Variants in HERC3 observed in about 807,000 individuals in gnomAD.
HERC3 encodes the protein probable E3 ubiquitin-protein ligase HERC3.
HERC3 carries 58 observed loss-of-function variants against 129.9 expected under a neutral mutation model. The ratio of observed to expected loss-of-function variants is 0.45; its 90% CI spans 0.36 to 0.56. The LOEUF (loss-of-function observed/expected upper bound fraction) is 0.56. Among genes scored for constraint, HERC3 ranks in the 20% least tolerant of loss-of-function variants. HERC3 has a pLI of 0.00. For missense variants in HERC3, 835 were observed against 1,244.2 expected (o/e 0.67, Z 4.95); for synonymous variants, 430 against 451.0 (o/e 0.95, Z 0.59).
intron 23 of HERC3, among the ~76,000 whole-genome samples, chr4:88,699,033 T>A (rs1238234025): frequency 1.3e-5 from 1 of 75,590 alleles, no homozygotes; most frequent in Non-Finnish European, 2.4e-5. Flanking sequence ...CTCTTCACCC[T>A]CTTCTTCCTC....
chr4:88,696,505 T>C (rs1264357291), intron 23 of HERC3: 1 of 150,156 alleles, frequency 6.7e-6, no homozygotes, highest in Non-Finnish European at 1.5e-5. Flanking sequence ...CATGAGATTG[T>C]AACTAATGAA....
At chr4:88,651,279 G>A (rs1328901357) in intron 4 of HERC3, among the ~76,000 whole-genome samples, 2 of 152,028 alleles carry the variant, frequency 1.3e-5, no homozygotes, top group African/African-American at 2.4e-5. Flanking sequence ...TTCAAATTAT[G>A]GATGACTTCC....
At chr4:88,657,736 A>G (rs1301598994) in intron 9 of HERC3, among the ~76,000 whole-genome samples, 1 of 152,202 alleles carries the variant, frequency 6.6e-6, no homozygotes, top group African/African-American at 2.4e-5. Context: ...TATTGTGGTT[A>G]GAGGAAGTTT....
the HERC3 span, among the ~76,000 whole-genome samples, chr4:88,580,146 G>A: frequency 1.3e-5 from 2 of 152,282 alleles, no homozygotes; most frequent in East Asian, 1.9e-4. Context: ...AATAAAAAAC[G>A]ACAGTGTTTG....
chr4:88,614,765 A>C (rs921964403), intron 3 of HERC3, among the ~76,000 whole-genome samples: 5 of 152,178 alleles, frequency 3.3e-5, no homozygotes, highest in African/African-American at 1.2e-4. Context: ...ACATTTACTG[A>C]GTGACTAAAC....
the HERC3 span, among the ~76,000 whole-genome samples, chr4:88,557,480 G>A: frequency 2.0e-5 from 3 of 152,080 alleles, 1 homozygote; most frequent in South Asian, 6.2e-4. Flanking sequence ...ATTTTTGGTG[G>A]ATATTTGTTC....
intron 19 of HERC3, among the ~76,000 whole-genome samples, chr4:88,678,969 C>T (rs1377576891): frequency 6.6e-6 from 1 of 152,170 alleles, no homozygotes; most frequent in Non-Finnish European, 1.5e-5. Context: ...TACTTTGTAG[C>T]AGTATTCTTC....
At chr4:88,673,489 G>T (rs1295953850) in intron 16 of HERC3, among the ~76,000 whole-genome samples, 1 of 152,108 alleles carries the variant, frequency 6.6e-6, no homozygotes, top group African/African-American at 2.4e-5. Context: ...GTGCAGCCCC[G>T]TTTCAGGCAG....
In HERC3 at chr4:88,649,880, G is replaced by A; in HGVS notation, c.267G>A (p.Val89=). The A allele has an allele frequency of 6.2e-7, 1 of 1,613,952 alleles. No homozygotes were observed. Among genetic ancestry groups the A allele is most frequent in the Non-Finnish European group, 8.5e-7 (1 of 1,179,984 alleles). Residue 89 remains valine, a synonymous_variant, in exon 4 of 26, where the codon GTG becomes GTA. Transcript: ENST00000402738. Reference sequence around the variant, plus strand: ...TGGCAGATCAGCATATCATTCATGTGGCATGTGGCGAGTCCCACAGTCTGG... The same window carrying A: ...TGGCAGATCAGCATATCATTCATGTAGCATGTGGCGAGTCCCACAGTCTGG... ...GALADQHIIH[V]ACGESHSLAL...
intron 3 of HERC3, among the ~76,000 whole-genome samples, chr4:88,632,662 G>C (rs1726905490): frequency 6.6e-6 from 1 of 152,240 alleles, no homozygotes; most frequent in Non-Finnish European, 1.5e-5. Context: ...AGAGGTGACA[G>C]AGGAAAGAAT....
the HERC3 span, among the ~76,000 whole-genome samples, chr4:88,545,336 C>T: frequency 2.6e-5 from 4 of 151,202 alleles, no homozygotes; most frequent in African/African-American, 9.8e-5. Context: ...TTTACAAGGA[C>T]TTAAAGGGAG....
intron 3 of HERC3, among the ~76,000 whole-genome samples, chr4:88,630,589 A>G (rs778875493): frequency 7.0e-4 from 107 of 152,252 alleles, no homozygotes; most frequent in Admixed American, 5.4e-3. Flanking sequence ...TCTGTGAAGG[A>G]TAAAGCATTC....
chr4:88,598,240 A>T (rs1722605345), intron 2 of HERC3, among the ~76,000 whole-genome samples: 1 of 152,164 alleles, frequency 6.6e-6, no homozygotes, highest in Non-Finnish European at 1.5e-5. Context: ...GCATAGTCTT[A>T]TCATAAGACA....
At chr4:88,549,235 G>T in the HERC3 span, among the ~76,000 whole-genome samples, 1 of 151,898 alleles carries the variant, frequency 6.6e-6, no homozygotes, top group South Asian at 2.1e-4. Flanking sequence ...CATTTTTGGG[G>T]GGGTGAGTGT....
chr4:88,527,670 T>C, the HERC3 span: 1 of 301,660 alleles, frequency 3.3e-6, no homozygotes, highest in Non-Finnish European at 6.4e-6. Flanking sequence ...TGCCGGGCAA[T>C]GTGCTTGTCA....
chr4:88,704,315 C>T, intron 24 of HERC3, 34 bp downstream of exon 24: 1 of 1,602,752 alleles, frequency 6.2e-7, no homozygotes. Context: ...TCCTTTAACT[C>T]CGGCGAAGCA....
the HERC3 span, among the ~76,000 whole-genome samples, chr4:88,568,124 C>T: frequency 6.6e-6 from 1 of 152,198 alleles, no homozygotes; most frequent in South Asian, 2.1e-4. Flanking sequence ...CCCTTACTTT[C>T]CCCAGACAAA....
At chr4:88,692,782 C>A in intron 23 of HERC3, 1 of 427,972 alleles carries the variant, frequency 2.3e-6, no homozygotes, top group Non-Finnish European at 3.1e-6. Flanking sequence ...GGATTCTAAA[C>A]CAGAGCCAGG....
the HERC3 span, among the ~76,000 whole-genome samples, chr4:88,546,845 A>C: frequency 6.6e-6 from 1 of 152,216 alleles, no homozygotes; most frequent in South Asian, 2.1e-4. Flanking sequence ...ATAGAGTTTC[A>C]GAAATAAGTT....
Sources: gnomAD v4.1 joint callset for allele counts (sites outside exome capture counted in the v4.1 genomes callset) on GRCh38, gnomAD v4.1.1 for gene constraint, MANE v1.5 for transcripts, NCBI Gene and HGNC (gene_info 2026-07-23, HGNC 2026-07-21) for gene names.